FGGY: variants seen among roughly 807,000 people sequenced by gnomAD.
FGGY encodes the protein FGGY carbohydrate kinase domain-containing protein.
Under a neutral mutation model 71.3 loss-of-function variants are expected in FGGY, and 72 were observed. That is an observed-to-expected ratio of 1.01 (90% CI 0.84 to 1.23). The LOEUF (loss-of-function observed/expected upper bound fraction) is 1.23. Ranked by LOEUF, FGGY falls within the 50% of genes most tolerant of loss-of-function variation. The probability of loss-of-function intolerance (pLI) is 0.00; values close to 1 mark genes in which losing one functional copy is unlikely to be tolerated. For missense variants in FGGY, 668 were observed against 682.3 expected, an observed-to-expected ratio of 0.98 and a Z score of 0.23; for synonymous variants, 251 against 250.3, an observed-to-expected ratio of 1.00 and a Z score of -0.02.
In FGGY at chr1:59,762,721, G is replaced by A; in HGVS notation, c.*137G>A. The A allele has an allele frequency of 1.5e-6, 1 of 650,242 alleles. No individual in the cohort carries two copies. The highest frequency in any genetic ancestry group is 2.0e-5 in the South Asian group (1 of 50,906). The allele number at this position is 650,242 out of a possible 1,614,324, so 40.3% of individuals were successfully genotyped here. The stretch of plus-strand genomic sequence containing the variant: ...CTTTCAATAAAGAAAACAAACATGT[G>A]CAACCAGAATTAGAGTCTTCATTTC... On this transcript the variant is annotated 3_prime_UTR_variant, in exon 16 of 16. Transcript: ENST00000303721.
chr1:59,447,973 G>A (rs2071701159), intron 5 of FGGY, among the ~76,000 whole-genome samples: 1 of 152,090 alleles, frequency 6.6e-6, no homozygotes, highest in Non-Finnish European at 1.5e-5. Flanking sequence ...CATACTTTTT[G>A]TACCATCTGC....
intron 7 of FGGY, among the ~76,000 whole-genome samples, chr1:59,529,288 A>G (rs2095075446): frequency 6.6e-6 from 1 of 152,252 alleles, no homozygotes; most frequent in Non-Finnish European, 1.5e-5. Flanking sequence ...ACTAATATTT[A>G]TTGAGGGACC....
chr1:59,310,403 G>C (rs963338175), intron 1 of FGGY, among the ~76,000 whole-genome samples: 2 of 152,202 alleles, frequency 1.3e-5, no homozygotes, highest in African/African-American at 4.8e-5. Context: ...AGAGAGGTCA[G>C]GAATTCACAT....
intron 6 of FGGY, among the ~76,000 whole-genome samples, chr1:59,500,852 T>A (rs751460386): frequency 1.3e-5 from 2 of 151,978 alleles, no homozygotes; most frequent in Non-Finnish European, 2.9e-5. Flanking sequence ...CCTCCAGGGG[T>A]GAATTTATGT....
intron 8 of FGGY, among the ~76,000 whole-genome samples, chr1:59,565,842 A>G (rs1294347929): frequency 6.6e-6 from 1 of 152,096 alleles, no homozygotes; most frequent in Non-Finnish European, 1.5e-5. Context: ...ACTTCCTTTC[A>G]AGAAGCCACC....
chr1:59,491,451 TTAATTA>T (rs2093860381), intron 6 of FGGY, among the ~76,000 whole-genome samples: 1 of 152,004 alleles, frequency 6.6e-6, no homozygotes, highest in African/African-American at 2.4e-5. Context: ...ATTATTGTAT[TTAATTA>T]TTTTTGTAGC....
intron 4 of FGGY, among the ~76,000 whole-genome samples, chr1:59,352,706 T>A (rs1446710360): frequency 6.6e-6 from 1 of 152,218 alleles, no homozygotes; most frequent in African/African-American, 2.4e-5. Flanking sequence ...AAGAAAACCC[T>A]GCTGCAGGTC....
rs778897999 is a variant in FGGY at position 59,346,322 on chromosome 1, A to G, written c.389A>G (p.Lys130Arg). ...CAAGTTAACAGGATCAATGAGACCAAGCACAGTGTCCTCCAGTACGTCGGG... is the reference window on the plus strand; with the variant it reads ...CAAGTTAACAGGATCAATGAGACCAGGCACAGTGTCCTCCAGTACGTCGGG... ...VSQVNRINETKHSVLQYVGGV... is the reference protein window; with the variant it reads ...VSQVNRINETRHSVLQYVGGV... The change falls in exon 4 of 16, where the codon AAG becomes AGG. Residue 130 changes from lysine to arginine, a missense_variant. This residue lies in a region of FGGY where 661 missense variants were observed against 661.6 expected (regional missense o/e 1.00). Transcript: ENST00000303721. 1.2e-6 allele frequency: 2 copies of G among 1,612,412 alleles called. No individual in the cohort carries two copies. The highest frequency in any genetic ancestry group is 1.7e-6 in the Non-Finnish European group (2 of 1,179,738).
At chr1:59,395,236 C>T (rs1571562443) in intron 5 of FGGY, among the ~76,000 whole-genome samples, 4 of 151,904 alleles carry the variant, frequency 2.6e-5, no homozygotes, top group Admixed American at 1.3e-4. Flanking sequence ...GTGCATGACA[C>T]GTGTTAGGTG....
intron 14 of FGGY, among the ~76,000 whole-genome samples, chr1:59,728,489 A>T: frequency 6.6e-6 from 1 of 152,034 alleles, no homozygotes; most frequent in East Asian, 1.9e-4. Flanking sequence ...TTCTTCTCTG[A>T]TGCTTTTCTT....
chr1:59,502,643 G>A (rs559142820), intron 6 of FGGY, among the ~76,000 whole-genome samples: 1 of 152,306 alleles, frequency 6.6e-6, no homozygotes, highest in Admixed American at 6.5e-5. Context: ...GGGGGAAGAT[G>A]CAGGATGGTG....
At chr1:59,437,486 A>G (rs918590462) in intron 5 of FGGY, among the ~76,000 whole-genome samples, 2 of 152,214 alleles carry the variant, frequency 1.3e-5, no homozygotes, top group Non-Finnish European at 2.9e-5. Flanking sequence ...AATCCTGTGT[A>G]CCCATTACGT....
intron 5 of FGGY, among the ~76,000 whole-genome samples, chr1:59,450,788 ATTC>A (rs2072520207): frequency 6.6e-6 from 1 of 152,058 alleles, no homozygotes; most frequent in Admixed American, 6.5e-5. Flanking sequence ...ATTATGAAAT[ATTC>A]TTCTTTTCCT....
chr1:59,360,119 CTATCATTGTTAT>C (rs1190706773), intron 4 of FGGY, among the ~76,000 whole-genome samples: 2 of 112,466 alleles, frequency 1.8e-5, no homozygotes, highest in African/African-American at 3.2e-5. Flanking sequence ...CTTTATTTTT[CTATCATTGTTAT>C]TATTATTATT....
chr1:59,708,365 T>A (rs2097770511), intron 14 of FGGY, among the ~76,000 whole-genome samples: 1 of 152,166 alleles, frequency 6.6e-6, no homozygotes, highest in South Asian at 2.1e-4. Context: ...TTTACCTATT[T>A]CAGAGCTTTT....
intron 1 of FGGY, among the ~76,000 whole-genome samples, chr1:59,304,649 A>C (rs560711759): frequency 3.6e-4 from 54 of 151,956 alleles, no homozygotes; most frequent in Admixed American, 5.9e-4. Flanking sequence ...TCTGCAGATC[A>C]CTTTGAGTAG....
intron 5 of FGGY, among the ~76,000 whole-genome samples, chr1:59,386,115 G>T (rs2060037577): frequency 6.6e-6 from 1 of 152,084 alleles, no homozygotes; most frequent in African/African-American, 2.4e-5. Flanking sequence ...ATATTATTAT[G>T]ATACATTTGT....
At chr1:59,589,511 T>C (rs1170077459) in intron 8 of FGGY, among the ~76,000 whole-genome samples, 2 of 152,156 alleles carry the variant, frequency 1.3e-5, no homozygotes, top group Non-Finnish European at 2.9e-5. Flanking sequence ...ACCACACCTA[T>C]TCCAAAATTG....
At chr1:59,596,215 G>T (rs531616282) in intron 8 of FGGY, among the ~76,000 whole-genome samples, 13 of 151,632 alleles carry the variant, frequency 8.6e-5, no homozygotes, top group East Asian at 5.8e-4. Flanking sequence ...TTAACATGAG[G>T]CTCACTTAAC....
Sources: gnomAD v4.1 joint callset for allele counts (sites outside exome capture counted in the v4.1 genomes callset) on GRCh38, gnomAD v4.1.1 for gene constraint, gnomAD v4.1.1 regional missense constraint, MANE v1.5 for transcripts, NCBI Gene and HGNC (gene_info 2026-07-23, HGNC 2026-07-21) for gene names.